SLA: variants seen among roughly 807,000 people sequenced by gnomAD.
The protein encoded by SLA is Src like adaptor.
SLA carries 16 observed loss-of-function variants against 30.3 expected under a neutral mutation model. That is an observed-to-expected ratio of 0.53 (90% CI 0.36 to 0.80). The LOEUF (loss-of-function observed/expected upper bound fraction) is 0.80, where lower values mean the gene tolerates loss of function less well. SLA is among the 30% of genes least tolerant of loss of function. SLA has a pLI of 0.01. For synonymous variants in SLA, 143 were observed against 137.8 expected (o/e 1.04, Z -0.26); for missense variants, 310 against 345.2 (o/e 0.90, Z 0.81).
At chr8:133,060,258 G>A in intron 2 of SLA, 58 bp from the exon 3 acceptor site, 1 of 1,609,754 alleles carries the variant, frequency 6.2e-7, no homozygotes, top group Non-Finnish European at 8.5e-7. Flanking sequence ...TCCAAGTGGA[G>A]AATGACCCAG....
At chr8:133,044,418 A>G (rs1259439434) in intron 7 of SLA, among the ~76,000 whole-genome samples, 1 of 152,136 alleles carries the variant, frequency 6.6e-6, no homozygotes, top group East Asian at 1.9e-4. Flanking sequence ...AATGAATTAA[A>G]TGTAATTCTT....
chr8:133,067,215 G>A (rs1456411046), intron 2 of SLA, among the ~76,000 whole-genome samples: 2 of 152,122 alleles, frequency 1.3e-5, no homozygotes, highest in Admixed American at 6.5e-5. Flanking sequence ...GGGGGCTGCC[G>A]AGGCCACTTA....
At chr8:133,071,273 G>A (rs1196628951) in intron 2 of SLA, among the ~76,000 whole-genome samples, 1 of 152,172 alleles carries the variant, frequency 6.6e-6, no homozygotes, top group Non-Finnish European at 1.5e-5. Context: ...GTCTAACCGG[G>A]GAAACCAAGG....
At position 133,096,215 on chromosome 8, in the gene SLA, G is replaced by C. The variant is rs61730222; in HGVS notation, c.-319+6338C>G. ...GTTGCATCCAATGCAGCTCCTGGCC[G>C]TGAGTGGCCCTTTCCACTACTGGGG... On this transcript the variant is annotated intron_variant, in intron 1 of 8. Coordinates refer to ENST00000338087, the MANE Select transcript of SLA (RefSeq NM_001045556.3). The C allele has an allele frequency of 3.2e-3, 5,114 of 1,614,188 alleles. 150 individuals are homozygous for C. In the African/African-American group the frequency reaches 0.061, roughly 19 times the overall value.
chr8:133,050,941 G>C (rs117044097), intron 3 of SLA, 26 bp from the exon 4 acceptor site: 13 of 1,395,222 alleles, frequency 9.3e-6, no homozygotes, highest in Non-Finnish European at 1.3e-5. Context: ...CAAGGGGGAA[G>C]GGGGCAAGGT....
At chr8:133,067,162 T>C (rs1490657374) in intron 2 of SLA, among the ~76,000 whole-genome samples, 10 of 152,086 alleles carry the variant, frequency 6.6e-5, no homozygotes, top group African/African-American at 2.4e-4. Context: ...ACCCACCACA[T>C]CCTGACCTCA....
chr8:133,095,150 A>G, intron 1 of SLA: 2 of 1,614,230 alleles, frequency 1.2e-6, no homozygotes, highest in Non-Finnish European at 1.7e-6. Context: ...TCCAGCCAAG[A>G]AGTGGTGTCC....
At chr8:133,054,147 G>A (rs994176233) in intron 3 of SLA, among the ~76,000 whole-genome samples, 2 of 152,118 alleles carry the variant, frequency 1.3e-5, no homozygotes, top group African/African-American at 4.8e-5. Context: ...GTAAAGGTGA[G>A]ACATATTATC....
chr8:133,042,413 A>G (rs531480582), intron 7 of SLA, among the ~76,000 whole-genome samples: 1 of 151,994 alleles, frequency 6.6e-6, no homozygotes, highest in Non-Finnish European at 1.5e-5. Context: ...GAATTCATGT[A>G]TGCCCCATGC....
Position 133,046,188 on chromosome 8 carries a change from A to G in SLA, c.353-1073T>C, listed in dbSNP as rs2131163677. ...CTTGCTCTGGGGTTCCAGGAGTAGAAAACACCCAAGAGACAGAGGAGAAAG... is the reference window on the plus strand; with the variant it reads ...CTTGCTCTGGGGTTCCAGGAGTAGAGAACACCCAAGAGACAGAGGAGAAAG... On this transcript the variant is annotated intron_variant, in intron 6 of 8. Coordinates refer to ENST00000338087, the MANE Select transcript of SLA (RefSeq NM_001045556.3). Among the ~76,000 whole-genome samples, 3 of 152,336 alleles carry G rather than the reference A, an allele frequency of 2.0e-5. No homozygotes were observed. In the South Asian group the frequency reaches 6.2e-4, roughly 32 times the overall value.
At chr8:133,096,457 T>C in intron 1 of SLA, 2 of 1,519,096 alleles carry the variant, frequency 1.3e-6, no homozygotes, top group Non-Finnish European at 1.8e-6. Context: ...GATCAAGAGA[T>C]ATTGACCAAT....
intron 3 of SLA, among the ~76,000 whole-genome samples, chr8:133,052,378 G>C (rs73708822): frequency 0.024 from 3,580 of 152,280 alleles, 121 homozygotes; most frequent in African/African-American, 0.079. Flanking sequence ...AAGAGTTTCT[G>C]GGTGTAAGAC....
At chr8:133,054,625 A>G (rs559830546) in intron 3 of SLA, among the ~76,000 whole-genome samples, 31 of 152,310 alleles carry the variant, frequency 2.0e-4, no homozygotes, top group Admixed American at 6.5e-4. Context: ...TTAGCCAATA[A>G]CTTTCTAAAA....
At chr8:133,091,326 G>A (rs1254692220) in intron 1 of SLA, among the ~76,000 whole-genome samples, 1 of 152,208 alleles carries the variant, frequency 6.6e-6, no homozygotes, top group Admixed American at 6.5e-5. Context: ...CTGTAGATGA[G>A]GATTCACATT....
In SLA at chr8:133,060,477, A is replaced by T. The variant is rs1033271363; in HGVS notation, c.-40-277T>A. 18 of 990,396 alleles carry T rather than the reference A, an allele frequency of 1.8e-5. No homozygotes were observed. The South Asian group carries it at 2.7e-4, about 15-fold the overall frequency. 61.4% of individuals were successfully genotyped at this position (990,396 alleles called of 1,614,324 possible). A position where few individuals can be genotyped will look rare whatever the true frequency, so the allele number is the denominator to read the frequency against. ...CCATTCCTCCGCACCCTTGCTGAGGATGGTAAGCAGCCACAGCAGGGTTTG... is the reference window on the plus strand; with the variant it reads ...CCATTCCTCCGCACCCTTGCTGAGGTTGGTAAGCAGCCACAGCAGGGTTTG... On this transcript the variant is annotated intron_variant, in intron 2 of 8. Coordinates refer to ENST00000338087, the MANE Select transcript of SLA (RefSeq NM_001045556.3).
At chr8:133,096,064 T>C in intron 1 of SLA, 1 of 986,768 alleles carries the variant, frequency 1.0e-6, no homozygotes, top group Non-Finnish European at 1.6e-6. Flanking sequence ...GTGTCCTGCC[T>C]GCCAGTTGTC....
At position 133,040,042 on chromosome 8, in the gene SLA, A is replaced by T; in HGVS notation, c.573T>A (p.Pro191=). 1 of 1,552,558 alleles carries T rather than the reference A, an allele frequency of 6.4e-7. No homozygotes were observed. Among genetic ancestry groups the T allele is most frequent in the African/African-American group, 1.4e-5 (1 of 73,254 alleles). The change falls in exon 8 of 9, where the codon CCT becomes CCA. Residue 191 remains proline, a synonymous_variant. Coordinates refer to ENST00000338087, the MANE Select transcript of SLA (RefSeq NM_001045556.3). ...AAPAVRASSS[P]VTLRQKTVDW... ...CCACAGTCTTCTGACGCAAGGTGAC[A>T]GGTGAGCTGGAGGCCCTCACTGCTG...
chr8:133,097,215 T>C (rs941008004), intron 1 of SLA, among the ~76,000 whole-genome samples: 5 of 152,250 alleles, frequency 3.3e-5, no homozygotes, highest in Non-Finnish European at 5.9e-5. Flanking sequence ...TATTAAATCA[T>C]GAAAGCAACC....
At chr8:133,044,032 C>T (rs56900480) in intron 7 of SLA, among the ~76,000 whole-genome samples, 3,425 of 152,216 alleles carry the variant, frequency 0.023, 126 homozygotes, top group African/African-American at 0.079. Context: ...TGGATCCTCA[C>T]GGTGTCCTTG....
Sources: allele counts gnomAD v4.1 joint callset (sites outside exome capture counted in the v4.1 genomes callset), GRCh38; gene constraint gnomAD v4.1.1; transcripts MANE v1.5; gene names NCBI Gene and HGNC (gene_info 2026-07-23, HGNC 2026-07-21).